The following CSMD1 variants were observed in gnomAD, a reference collection of about 807,000 sequenced individuals.
The protein encoded by CSMD1 is CUB and Sushi multiple domains 1.
In CSMD1, 213 loss-of-function variants were observed where a neutral mutation model predicts 417.5. The observed-to-expected ratio is 0.51, with a 90% CI of 0.46 to 0.57. The LOEUF (loss-of-function observed/expected upper bound fraction) is 0.57. Ranked by LOEUF, CSMD1 falls within the 20% of genes least tolerant of loss-of-function variation. The pLI is 0.00. For missense variants in CSMD1, 6,923 were observed against 4,529.7 expected, an observed-to-expected ratio of 1.53 and a Z score of -15.17; for synonymous variants, 2,862 against 1,736.8, an observed-to-expected ratio of 1.65 and a Z score of -16.11.
Position 3,033,179 on chromosome 8 carries a change from G to A in CSMD1, c.7661-3666C>T, listed in dbSNP as rs139845124. 1.9e-3 allele frequency among the ~76,000 whole-genome samples: 285 copies of A among 152,078 alleles called. 4 individuals are homozygous for A. The highest frequency in any genetic ancestry group is 0.014 in the Middle Eastern group (4 of 294). On this transcript the variant is annotated intron_variant, in intron 50 of 69. Coordinates refer to ENST00000635120, the MANE Select transcript of CSMD1 (RefSeq NM_033225.6). ...ATAACACTTAACTGTACCAAACTTC[G>A]ATTTTTAAATTTCCTGTGACCACAC...
intron 25 of CSMD1, among the ~76,000 whole-genome samples, chr8:3,289,290 T>C (rs1584936869): frequency 6.8e-6 from 1 of 147,218 alleles, no homozygotes; most frequent in South Asian, 2.1e-4. Flanking sequence ...TAAACATACG[T>C]GTGCATGTGT....
At chr8:4,976,505 C>A (rs1015456323) in intron 1 of CSMD1, among the ~76,000 whole-genome samples, 1 of 152,056 alleles carries the variant, frequency 6.6e-6, no homozygotes, top group Non-Finnish European at 1.5e-5. Context: ...TGTTTTTTAT[C>A]CTTACCTCTG....
chr8:4,713,716 C>T (rs940244846), intron 1 of CSMD1, among the ~76,000 whole-genome samples: 4 of 152,168 alleles, frequency 2.6e-5, no homozygotes, highest in African/African-American at 9.7e-5. Context: ...CGGCCTCCTC[C>T]CCAAACCCCA....
chr8:4,971,785 C>G (rs967496448), intron 1 of CSMD1, among the ~76,000 whole-genome samples: 1 of 151,594 alleles, frequency 6.6e-6, no homozygotes, highest in African/African-American at 2.4e-5. Flanking sequence ...TAATACAATT[C>G]TCATTATTAT....
chr8:3,475,556 G>C (rs1288303260), intron 11 of CSMD1, among the ~76,000 whole-genome samples: 2 of 152,220 alleles, frequency 1.3e-5, no homozygotes, highest in East Asian at 1.9e-4. Flanking sequence ...CATTTTATCT[G>C]TATTCCAGGT....
chr8:4,876,328 A>C (rs540185681), intron 1 of CSMD1, among the ~76,000 whole-genome samples: 12 of 152,216 alleles, frequency 7.9e-5, no homozygotes, highest in African/African-American at 2.9e-4. Flanking sequence ...CAACAGAATT[A>C]ACTTAAAATC....
intron 1 of CSMD1, among the ~76,000 whole-genome samples, chr8:4,992,285 C>G (rs1397259975): frequency 3.9e-5 from 6 of 152,180 alleles, no homozygotes; most frequent in Non-Finnish European, 8.8e-5. Context: ...GGGGCGGAAT[C>G]CGCCCGGCAC....
chr8:4,187,697 A>G (rs1410689228), intron 3 of CSMD1, among the ~76,000 whole-genome samples: 1 of 151,396 alleles, frequency 6.6e-6, no homozygotes, highest in African/African-American at 2.4e-5. Flanking sequence ...AAAAAAAAGC[A>G]TTCAGGAAGT....
chr8:4,660,091 T>C (rs1804496213), intron 1 of CSMD1, among the ~76,000 whole-genome samples: 1 of 132,128 alleles, frequency 7.6e-6, no homozygotes, highest in Non-Finnish European at 1.6e-5. Flanking sequence ...ATTCAATATA[T>C]AATTGGGAGT....
At position 2,936,412 on chromosome 8, in the gene CSMD1, T is replaced by C. The variant is rs929041252; in HGVS notation, c.*2173A>G. ...ATGTATGTATATATATACACTAATA[T>C]GTATAGTAACCCTGTTCTCCCTTGC... On this transcript the variant is annotated 3_prime_UTR_variant, in exon 70 of 70. Coordinates refer to ENST00000635120, the MANE Select transcript of CSMD1 (RefSeq NM_033225.6). 4.0e-5 allele frequency: 6 copies of C among 151,652 alleles called. No homozygotes were observed. Among genetic ancestry groups the C allele is most frequent in the Admixed American group, 3.3e-4 (5 of 15,184 alleles). The allele number at this position is 151,652 out of a possible 1,614,324, so 9.4% of individuals were successfully genotyped here. A position where few individuals can be genotyped will look rare whatever the true frequency, so the allele number is the denominator to read the frequency against.
intron 1 of CSMD1, among the ~76,000 whole-genome samples, chr8:4,968,956 A>T (rs1409189375): frequency 6.6e-6 from 1 of 152,158 alleles, no homozygotes; most frequent in Non-Finnish European, 1.5e-5. Flanking sequence ...TCACTCCATG[A>T]ATGTTCAAGC....
chr8:4,341,025 A>G (rs948826006), intron 3 of CSMD1, among the ~76,000 whole-genome samples: 3 of 152,094 alleles, frequency 2.0e-5, no homozygotes, highest in African/African-American at 7.2e-5. Flanking sequence ...AAAATTACAT[A>G]TTCAACTTTA....
chr8:4,889,075 G>C (rs1487574285), intron 1 of CSMD1, among the ~76,000 whole-genome samples: 1 of 152,094 alleles, frequency 6.6e-6, no homozygotes, highest in East Asian at 1.9e-4. Flanking sequence ...TAAGCCCAGT[G>C]AATGAACGTT....
At chr8:3,111,520 G>A (rs1415943603) in intron 42 of CSMD1, among the ~76,000 whole-genome samples, 1 of 152,112 alleles carries the variant, frequency 6.6e-6, no homozygotes, top group Non-Finnish European at 1.5e-5. Flanking sequence ...CGATACTCCT[G>A]AAGCTTGTCA....
intron 15 of CSMD1, among the ~76,000 whole-genome samples, chr8:3,405,186 T>C (rs554598429): frequency 2.0e-5 from 3 of 152,194 alleles, no homozygotes; most frequent in African/African-American, 4.8e-5. Flanking sequence ...ATATTTTACT[T>C]TTCTTCTTAA....
At chr8:3,953,609 T>A (rs541329911) in intron 5 of CSMD1, among the ~76,000 whole-genome samples, 8 of 152,006 alleles carry the variant, frequency 5.3e-5, no homozygotes, top group Non-Finnish European at 8.8e-5. Context: ...CGCCCAAGCA[T>A]ACGCATTTCA....
At chr8:4,566,824 G>A (rs1408516705) in intron 2 of CSMD1, among the ~76,000 whole-genome samples, 1 of 151,824 alleles carries the variant, frequency 6.6e-6, no homozygotes, top group East Asian at 1.9e-4. Context: ...AAAGTTATCT[G>A]GGCCTTACTG....
At chr8:3,091,702 G>A in intron 47 of CSMD1, 40 bp from the exon 48 acceptor site, 2 of 1,580,442 alleles carry the variant, frequency 1.3e-6, no homozygotes, top group African/African-American at 1.3e-5. Context: ...AGAGATGAGT[G>A]AGCACCTACC....
At chr8:3,648,040 T>A (rs768060221) in intron 7 of CSMD1, among the ~76,000 whole-genome samples, 4 of 152,238 alleles carry the variant, frequency 2.6e-5, no homozygotes, top group Admixed American at 6.5e-5. Flanking sequence ...ATGAACCAGA[T>A]CTACCTGCAT....
Sources: gnomAD v4.1 joint callset for allele counts (sites outside exome capture counted in the v4.1 genomes callset) on GRCh38, gnomAD v4.1.1 for gene constraint, MANE v1.5 for transcripts, NCBI Gene and HGNC (gene_info 2026-07-23, HGNC 2026-07-21) for gene names.